THRA: variants seen among roughly 807,000 people sequenced by gnomAD.
THRA encodes EAR-7.
In THRA, 13 loss-of-function variants were observed where a neutral mutation model predicts 45.0. The ratio of observed to expected loss-of-function variants is 0.29; its 90% CI spans 0.19 to 0.46. THRA has a LOEUF of 0.46. Among genes scored for constraint, THRA ranks in the 20% least tolerant of loss-of-function variants. THRA has a pLI of 1.00. For missense variants in THRA, 278 were observed against 556.1 expected, an observed-to-expected ratio of 0.50 and a Z score of 5.03; for synonymous variants, 195 against 214.0, an observed-to-expected ratio of 0.91 and a Z score of 0.78.
chr17:40,089,092 C>A lies in THRA; in HGVS notation c.983-114C>A. 2 of 1,018,778 alleles carry A rather than the reference C, an allele frequency of 2.0e-6. No individual in the cohort carries two copies. Among genetic ancestry groups the A allele is most frequent in the Non-Finnish European group, 2.9e-6 (2 of 692,438 alleles). 63.1% of individuals were successfully genotyped at this position (1,018,778 alleles called of 1,614,324 possible). On this transcript the variant is annotated intron_variant, in intron 8 of 8. Coordinates refer to ENST00000450525, the MANE Select transcript of THRA (RefSeq NM_199334.5). This position sits in a 1 kb window ranked among gnomAD's most constrained non-coding sequence, Gnocchi z 6.1. ...AGCTTCTCCCCTCCCCTCCCCCAGC[C>A]TCTCTGCCTCTATCTCCCCTCTAGT...
Position 40,092,213 on chromosome 17 carries a change from C to T in THRA, c.*2757C>T, listed in dbSNP as rs1263864031. ...GGGAGGGTGGGGGAGGAGCCCCTAC[C>T]CCTTCTCCTGGTGGCGGGTCTGCAG... is the stretch of plus-strand genomic sequence containing the variant. On this transcript the variant is annotated 3_prime_UTR_variant, in exon 9 of 9. Transcript: ENST00000450525. The T allele has an allele frequency of 6.6e-6, 1 of 152,312 alleles. No individual in the cohort carries two copies. Among genetic ancestry groups the T allele is most frequent in the Non-Finnish European group, 1.5e-5 (1 of 68,234 alleles). The allele number at this position is 152,312 out of a possible 1,614,324, so 9.4% of individuals were successfully genotyped here. A position where few individuals can be genotyped will look rare whatever the true frequency, so the allele number is the denominator to read the frequency against.
intron 1 of THRA, among the ~76,000 whole-genome samples, chr17:40,070,299 C>T (rs1033677512): frequency 9.2e-5 from 14 of 152,318 alleles, no homozygotes; most frequent in African/African-American, 4.8e-5. Context: ...CCTTCCTTCC[C>T]GCCTTCACTC....
chr17:40,084,111 T>C, intron 5 of THRA, 129 bp downstream of exon 5: 1 of 1,138,802 alleles, frequency 8.8e-7, no homozygotes, highest in Admixed American at 3.0e-5. Flanking sequence ...TAGGTCAGAA[T>C]GTTCAGTGTC....
chr17:40,076,203 C>G (rs1986947529), intron 2 of THRA, among the ~76,000 whole-genome samples: 1 of 152,198 alleles, frequency 6.6e-6, no homozygotes, highest in Non-Finnish European at 1.5e-5. Context: ...GTTTGCTGCT[C>G]TGTTAAATGG....
intron 1 of THRA, 130 bp downstream of exon 1, chr17:40,063,222 G>T (rs1986423745): frequency 6.6e-6 from 1 of 152,292 alleles, no homozygotes; most frequent in Non-Finnish European, 1.5e-5. Flanking sequence ...GCCAGCCTCA[G>T]CCTTTCCTGG....
intron 1 of THRA, among the ~76,000 whole-genome samples, chr17:40,064,979 A>G (rs1830614460): frequency 1.3e-5 from 2 of 151,972 alleles, no homozygotes; most frequent in African/African-American, 4.8e-5. Flanking sequence ...CACAATCACA[A>G]ATTTTTCCCC....
intron 4 of THRA, among the ~76,000 whole-genome samples, chr17:40,082,376 G>A (rs998047199): frequency 3.3e-5 from 5 of 151,288 alleles, no homozygotes; most frequent in African/African-American, 7.3e-5. Flanking sequence ...CACCATTCCC[G>A]GCTAATTTTT....
chr17:40,093,457 G>A, downstream of THRA: 5 of 1,507,858 alleles, frequency 3.3e-6, no homozygotes, highest in South Asian at 6.5e-5. This position sits in a 1 kb window ranked among gnomAD's most constrained non-coding sequence, Gnocchi z 5.9. Flanking sequence ...AAGAGCAGGA[G>A]GTGCCTGAAA....
At chr17:40,074,060 C>T (rs922155358) in intron 1 of THRA, 132 bp from the exon 2 acceptor site, 9 of 231,204 alleles carry the variant, frequency 3.9e-5, no homozygotes, top group South Asian at 2.4e-4. Flanking sequence ...GGTCCCCTCT[C>T]TATGCCTGCC....
At chr17:40,069,299 C>T (rs759632255) in intron 1 of THRA, among the ~76,000 whole-genome samples, 10 of 149,344 alleles carry the variant, frequency 6.7e-5, no homozygotes, top group African/African-American at 1.5e-4. Context: ...CTGTCTCTGT[C>T]TCTCTCTCTC....
chr17:40,070,386 C>T, intron 1 of THRA, among the ~76,000 whole-genome samples: 1 of 152,174 alleles, frequency 6.6e-6, no homozygotes, highest in South Asian at 2.1e-4. Context: ...GAGAATAGAA[C>T]AGGGGGTATG....
intron 7 of THRA, 73 bp from the exon 8 acceptor site, chr17:40,088,169 G>C (rs773464208): frequency 6.6e-7 from 1 of 1,514,068 alleles, no homozygotes; most frequent in South Asian, 1.3e-5. Context: ...GGCTCCCGTA[G>C]GACACTCTAG....
intron 4 of THRA, among the ~76,000 whole-genome samples, chr17:40,081,024 C>T (rs1987119980): frequency 6.6e-6 from 1 of 151,784 alleles, no homozygotes; most frequent in African/African-American, 2.4e-5. Context: ...ACTCGGCTGC[C>T]TTTGGTGATT....
chr17:40,092,815 G>T lies in THRA; in HGVS notation c.*3359G>T. On this transcript the variant is annotated 3_prime_UTR_variant, in exon 9 of 9. Coordinates refer to ENST00000450525, the MANE Select transcript of THRA (RefSeq NM_199334.5). ...AGCTCAGCTGTGAACTATTGGATTT[G>T]AGACAGGAACAGAACAAATCAGAGG... 4 of 701,432 alleles carry T rather than the reference G, an allele frequency of 5.7e-6. No homozygotes were observed. Among genetic ancestry groups the T allele is most frequent in the Middle Eastern group, 4.4e-4 (1 of 2,256 alleles). The allele number at this position is 701,432 out of a possible 1,614,324, so 43.5% of individuals were successfully genotyped here.
At position 40,086,997 on chromosome 17, in the gene THRA, C is replaced by T. The variant is rs941900438; in HGVS notation, c.723+144C>T. 9.5e-6 allele frequency: 10 copies of T among 1,053,788 alleles called. No individual in the cohort carries two copies. In the African/African-American group the frequency reaches 1.4e-4, roughly 15 times the overall value. 65.3% of individuals were successfully genotyped at this position (1,053,788 alleles called of 1,614,324 possible). A position where few individuals can be genotyped will look rare whatever the true frequency, so the allele number is the denominator to read the frequency against. ...CATACACAGATAACATACACAGACA[C>T]ACACACACACATGCATACACATACA... On this transcript the variant is annotated intron_variant, in intron 7 of 8. Coordinates refer to ENST00000450525, the MANE Select transcript of THRA (RefSeq NM_199334.5).
At chr17:40,084,341 C>G (rs939724232) in intron 5 of THRA, 4 of 516,508 alleles carry the variant, frequency 7.7e-6, no homozygotes, top group Non-Finnish European at 1.4e-5. Flanking sequence ...GATTGGGTGG[C>G]AGGATATTCG....
chr17:40,084,068 T>A, intron 5 of THRA, 86 bp downstream of exon 5: 1 of 1,478,986 alleles, frequency 6.8e-7, no homozygotes, highest in Non-Finnish European at 9.1e-7. Flanking sequence ...CAGGGTACCC[T>A]CAGAGCCCAC....
intron 6 of THRA, among the ~76,000 whole-genome samples, chr17:40,086,347 G>T (rs1987319638): frequency 6.6e-6 from 1 of 152,106 alleles, no homozygotes; most frequent in African/African-American, 2.4e-5. Flanking sequence ...TTATTTAGCT[G>T]CCCCATGCCT....
intron 1 of THRA, among the ~76,000 whole-genome samples, chr17:40,073,049 C>A (rs1172229373): frequency 1.3e-5 from 2 of 152,238 alleles, no homozygotes; most frequent in Non-Finnish European, 2.9e-5. Context: ...TGGCCCTGCC[C>A]AATCCCCTGA....
Sources: allele counts gnomAD v4.1 joint callset (sites outside exome capture counted in the v4.1 genomes callset), GRCh38; gene constraint gnomAD v4.1.1; non-coding constraint Gnocchi (gnomAD v3.1); transcripts MANE v1.5; gene names NCBI Gene and HGNC (gene_info 2026-07-23, HGNC 2026-07-21).